Variants in PCDHGB4 observed in about 807,000 individuals in gnomAD.
PCDHGB4 encodes protocadherin gamma subfamily B, 4, also known as protocadherin gamma-B4.
In PCDHGB4, 38 loss-of-function variants were observed where a neutral mutation model predicts 60.5. The ratio of observed to expected loss-of-function variants is 0.63; its 90% CI spans 0.48 to 0.82. The LOEUF (loss-of-function observed/expected upper bound fraction) is 0.82, where lower values mean the gene tolerates loss of function less well. Among genes scored for constraint, PCDHGB4 ranks in the 40% least tolerant of loss-of-function variants. The pLI is 0.00. For missense variants in PCDHGB4, 1,109 were observed against 1,209.6 expected (o/e 0.92, Z 1.23); for synonymous variants, 456 against 509.7 (o/e 0.89, Z 1.42).
Position 141,394,271 on chromosome 5 carries a change from G to C in PCDHGB4, c.2397+3990G>C, listed in dbSNP as rs768847661. The stretch of plus-strand genomic sequence containing the variant: ...ACCCCGACAGCCAGGAGAATGCCCA[G>C]GTCACTTACTCTGTGACCGAGGACA... On this transcript the variant is annotated intron_variant, in intron 1 of 3. Transcript: ENST00000519479. 9 of 1,613,862 alleles carry C rather than the reference G, an allele frequency of 5.6e-6. No individual in the cohort carries two copies. In the South Asian group the frequency reaches 9.9e-5, roughly 18 times the overall value.
chr5:141,495,810 C>T (rs1003475681), intron 2 of PCDHGB4, among the ~76,000 whole-genome samples: 1 of 152,088 alleles, frequency 6.6e-6, no homozygotes, highest in Non-Finnish European at 1.5e-5. Context: ...CGTTTCCTAG[C>T]GCCTTGTGTT....
Position 141,389,767 on chromosome 5 carries a change from G to T in PCDHGB4, c.1883G>T (p.Arg628Leu). ...CGCACGGGCGAAGTGCGCACAGCGCGTGCCTTAGGCGACAGGGACGCCGTC... is the reference window on the plus strand; with the variant it reads ...CGCACGGGCGAAGTGCGCACAGCGCTTGCCTTAGGCGACAGGGACGCCGTC... Reference protein sequence around the residue: ...GLRTGEVRTARALGDRDAVRQ... With the variant: ...GLRTGEVRTALALGDRDAVRQ... The change falls in exon 1 of 4, where the codon CGT becomes CTT. Residue 628 changes from arginine (R) to leucine (L), a missense_variant. Coordinates refer to ENST00000519479, the MANE Select transcript of PCDHGB4 (RefSeq NM_003736.4). 2 of 1,613,028 alleles carry T rather than the reference G, an allele frequency of 1.2e-6. No individual in the cohort carries two copies. The highest frequency in any genetic ancestry group is 1.7e-6 in the Non-Finnish European group (2 of 1,179,726).
At position 141,486,811 on chromosome 5, in the gene PCDHGB4, C is replaced by A. The variant is rs2099635196; in HGVS notation, c.2398-7996C>A. On this transcript the variant is annotated intron_variant, in intron 1 of 3. Coordinates refer to ENST00000519479, the MANE Select transcript of PCDHGB4 (RefSeq NM_003736.4). The surrounding 1 kb of genome is among the most constrained non-coding windows in gnomAD (Gnocchi z 5.0). ...GGGATCGGGGCAACCCACCCCTTAG[C>A]AGCACTGTAACAGTTCGTCTATTTG... The A allele has an allele frequency of 1.2e-6, 2 of 1,614,124 alleles. No homozygotes were observed. The highest frequency in any genetic ancestry group is 2.2e-5 in the East Asian group (1 of 44,900).
rs1212248484 is a variant in PCDHGB4 at position 141,393,163 on chromosome 5, T to C, written c.2397+2882T>C. ...CTGGTTGAGGATAAAGGAAAACTCT[T>C]TGGGGTAGAAATAGAAATAATTGAT... On this transcript the variant is annotated intron_variant, in intron 1 of 3. Transcript: ENST00000519479. 1.9e-6 allele frequency: 3 copies of C among 1,613,134 alleles called. No homozygotes were observed. In the Admixed American group the frequency reaches 5.0e-5, roughly 27 times the overall value.
intron 1 of PCDHGB4, among the ~76,000 whole-genome samples, chr5:141,407,479 T>C (rs1042229151): frequency 1.4e-5 from 2 of 144,060 alleles, no homozygotes; most frequent in East Asian, 1.9e-4. Context: ...GAATGGAGTA[T>C]GGAAAATCTT....
intron 1 of PCDHGB4, among the ~76,000 whole-genome samples, chr5:141,469,029 C>A (rs2099189188): frequency 6.6e-6 from 1 of 152,052 alleles, no homozygotes; most frequent in Non-Finnish European, 1.5e-5. Flanking sequence ...GTAATCCCAG[C>A]ACTTTGGGAG....
rs753936459 is a variant in PCDHGB4 at position 141,501,288 on chromosome 5, TATAC to T, written c.2457-4103_2457-4100del. Among the ~76,000 whole-genome samples the T allele has an allele frequency of 4.5e-4, 37 of 81,322 alleles. No homozygotes were observed. The South Asian group carries it at 5.1e-3, about 11-fold the overall frequency. 53.4% of individuals were successfully genotyped at this position (81,322 alleles called of 152,430 possible). A position where few individuals can be genotyped will look rare whatever the true frequency, so the allele number is the denominator to read the frequency against. ...TAGTCCAGTCTATGGGATATTCCCT[TATAC>T]ACACACACACACACACACACACACA... On this transcript the variant is annotated intron_variant, in intron 2 of 3. Coordinates refer to ENST00000519479, the MANE Select transcript of PCDHGB4 (RefSeq NM_003736.4).
intron 1 of PCDHGB4, chr5:141,421,333 G>A (rs1458277535): frequency 2.5e-6 from 4 of 1,613,850 alleles, no homozygotes; most frequent in Admixed American, 1.7e-5. Flanking sequence ...CCGATATTCG[G>A]TGCCAGAAGA....
At chr5:141,417,932 T>A (rs1398348549) in intron 1 of PCDHGB4, 2 of 1,611,670 alleles carry the variant, frequency 1.2e-6, no homozygotes, top group East Asian at 4.5e-5. Flanking sequence ...GCTGCCTTTG[T>A]TCTACCCCAC....
intron 2 of PCDHGB4, among the ~76,000 whole-genome samples, chr5:141,502,238 T>A (rs2099813398): frequency 6.6e-6 from 1 of 152,204 alleles, no homozygotes; most frequent in Non-Finnish European, 1.5e-5. Flanking sequence ...TGTGTTCTTT[T>A]ATCCTTTTTT....
chr5:141,417,766 C>T (rs564920153), intron 1 of PCDHGB4: 7 of 1,442,472 alleles, frequency 4.9e-6, no homozygotes, highest in African/African-American at 4.3e-5. Context: ...AGACCCGGGA[C>T]TCCTCCTGTC....
At chr5:141,427,858 C>T in intron 1 of PCDHGB4, 1 of 1,555,500 alleles carries the variant, frequency 6.4e-7, no homozygotes, top group South Asian at 1.1e-5. Context: ...CAGCTGTGCG[C>T]CTTCGAGCTC....
intron 1 of PCDHGB4, among the ~76,000 whole-genome samples, chr5:141,484,045 G>A (rs934525987): frequency 7.9e-5 from 12 of 152,026 alleles, no homozygotes; most frequent in African/African-American, 2.9e-4. Context: ...AGCTCCAAGA[G>A]GTCCCCTGGG....
At position 141,512,815 on chromosome 5, in the gene PCDHGB4, A is replaced by AC. The variant is rs1215322144; in HGVS notation, c.*1647dup. ...TGTGCTGTGTCCACGCGCTAAGGCG[A>AC]CCCCCTCCCCCGTACTGACTTCTCC... is the stretch of plus-strand genomic sequence containing the variant. On this transcript the variant is annotated 3_prime_UTR_variant, in exon 4 of 4. Coordinates refer to ENST00000519479, the MANE Select transcript of PCDHGB4 (RefSeq NM_003736.4). The AC allele has an allele frequency of 6.7e-6, 1 of 149,682 alleles. No homozygotes were observed. The highest frequency in any genetic ancestry group is 1.5e-5 in the Non-Finnish European group (1 of 67,474). 9.3% of individuals were successfully genotyped at this position (149,682 alleles called of 1,614,324 possible).
Position 141,432,320 on chromosome 5 carries a change from G to A in PCDHGB4, c.2397+42039G>A, listed in dbSNP as rs369088426. 4 of 1,614,120 alleles carry A rather than the reference G, an allele frequency of 2.5e-6. No individual in the cohort carries two copies. The African/African-American group carries it at 4.0e-5, about 16-fold the overall frequency. On this transcript the variant is annotated intron_variant, in intron 1 of 3. Coordinates refer to ENST00000519479, the MANE Select transcript of PCDHGB4 (RefSeq NM_003736.4). The surrounding 1 kb of genome is among the most constrained non-coding windows in gnomAD (Gnocchi z 6.0). ...GGTACTGTATGCGCTGAGCTCCTTC[G>A]ACTACGAGCAGTTCCGAGACTTGCA...
chr5:141,481,401 CT>C (rs2099537157), intron 1 of PCDHGB4, among the ~76,000 whole-genome samples: 1 of 152,204 alleles, frequency 6.6e-6, no homozygotes, highest in African/African-American at 2.4e-5. Flanking sequence ...TGACAAAATT[CT>C]TGTATAATTA....
chr5:141,431,790 C>T lies in PCDHGB4; in HGVS notation c.2397+41509C>T, dbSNP rs2097417829. On this transcript the variant is annotated intron_variant, in intron 1 of 3. Transcript: ENST00000519479. This position sits in a 1 kb window ranked among gnomAD's most constrained non-coding sequence, Gnocchi z 4.8. The stretch of plus-strand genomic sequence containing the variant: ...ACTGTTCTGGACGTGAACGACAATG[C>T]CCCAGAAGTGGTCCTCACCTCTCTC... 4.3e-6 allele frequency: 7 copies of T among 1,614,186 alleles called. No individual in the cohort carries two copies. The highest frequency in any genetic ancestry group is 5.9e-6 in the Non-Finnish European group (7 of 1,180,016).
intron 1 of PCDHGB4, chr5:141,399,437 A>G (rs780100815): frequency 3.7e-5 from 59 of 1,613,998 alleles, no homozygotes; most frequent in East Asian, 6.7e-5. Flanking sequence ...GTCATCCTAC[A>G]TATCAGAGAC....
At position 141,477,053 on chromosome 5, in the gene PCDHGB4, G is replaced by C; in HGVS notation, c.2398-17754G>C. ...GACAATCAAGGGTCGGCTGGACTTC[G>C]AGGACACCAAACTCCATGAGATTTA... On this transcript the variant is annotated intron_variant, in intron 1 of 3. Coordinates refer to ENST00000519479, the MANE Select transcript of PCDHGB4 (RefSeq NM_003736.4). This position sits in a 1 kb window ranked among gnomAD's most constrained non-coding sequence, Gnocchi z 4.9. The C allele has an allele frequency of 6.2e-7, 1 of 1,614,230 alleles. No homozygotes were observed. Among genetic ancestry groups the C allele is most frequent in the Non-Finnish European group, 8.5e-7 (1 of 1,180,032 alleles).
Sources: gnomAD v4.1 joint callset for allele counts (sites outside exome capture counted in the v4.1 genomes callset) on GRCh38, gnomAD v4.1.1 for gene constraint, Gnocchi (gnomAD v3.1) non-coding constraint, MANE v1.5 for transcripts, NCBI Gene and HGNC (gene_info 2026-07-23, HGNC 2026-07-21) for gene names.